Variants in SWT1 observed in about 807,000 individuals in gnomAD.
SWT1 encodes transcriptional protein SWT1.
SWT1 carries 33 observed loss-of-function variants against 107.3 expected under a neutral mutation model. The observed-to-expected ratio is 0.31, with a 90% confidence interval of 0.23 to 0.41. The LOEUF is 0.41. SWT1 is among the 10% of genes least tolerant of loss of function. The probability of loss-of-function intolerance (pLI) is 1.00; values close to 1 mark genes in which losing one functional copy is unlikely to be tolerated. For synonymous variants in SWT1, 345 were observed against 348.3 expected, an observed-to-expected ratio of 0.99 and a Z score of 0.11; for missense variants, 898 against 1,028.9, an observed-to-expected ratio of 0.87 and a Z score of 1.74.
chr1:185,201,005 T>C (rs1423680591), intron 10 of SWT1, among the ~76,000 whole-genome samples: 1 of 152,124 alleles, frequency 6.6e-6, no homozygotes, highest in Non-Finnish European at 1.5e-5. Context: ...GGCGCTGCGG[T>C]GGGCTTTGCC....
intron 16 of SWT1, among the ~76,000 whole-genome samples, chr1:185,243,792 G>A (rs1661411197): frequency 6.6e-6 from 1 of 152,008 alleles, no homozygotes; most frequent in Admixed American, 6.6e-5. Flanking sequence ...TTAAATATAT[G>A]TAGTTAATGT....
intron 8 of SWT1, 105 bp from the exon 9 acceptor site, chr1:185,184,638 A>G: frequency 1.5e-6 from 1 of 677,974 alleles, no homozygotes; most frequent in South Asian, 2.3e-5. Context: ...GAATTTCCTA[A>G]AGGTAGGGAC....
At chr1:185,160,710 AT>A (rs1395984826) in intron 1 of SWT1, 122 bp from the exon 2 acceptor site, 15 of 697,308 alleles carry the variant, frequency 2.2e-5, no homozygotes, top group South Asian at 1.2e-4. Flanking sequence ...TCAAAAAAAA[AT>A]AAAATAAAAT....
intron 16 of SWT1, among the ~76,000 whole-genome samples, chr1:185,237,745 C>T (rs999732562): frequency 6.6e-6 from 1 of 151,994 alleles, no homozygotes; most frequent in East Asian, 1.9e-4. Flanking sequence ...CTACCTTAAT[C>T]CTATTAAATC....
At chr1:185,243,054 A>G (rs74794196) in intron 16 of SWT1, among the ~76,000 whole-genome samples, 1 of 152,330 alleles carries the variant, frequency 6.6e-6, no homozygotes, top group Non-Finnish European at 1.5e-5. Flanking sequence ...AAGCAGTTAT[A>G]TAAAAGGCGT....
intron 16 of SWT1, among the ~76,000 whole-genome samples, chr1:185,252,230 T>C (rs535489697): frequency 0.044 from 6,674 of 151,954 alleles, 338 homozygotes; most frequent in East Asian, 0.17. Flanking sequence ...TGAATAATGC[T>C]GCAATAAACA....
intron 18 of SWT1, among the ~76,000 whole-genome samples, chr1:185,285,519 T>G (rs1489492759): frequency 6.6e-6 from 1 of 152,224 alleles, no homozygotes; most frequent in African/African-American, 2.4e-5. Flanking sequence ...GTAGTATCCT[T>G]TGGTGCACAA....
At chr1:185,170,324 C>T (rs185331535) in intron 4 of SWT1, among the ~76,000 whole-genome samples, 29 of 152,368 alleles carry the variant, frequency 1.9e-4, no homozygotes, top group Non-Finnish European at 3.7e-4. Context: ...TGCAACAATT[C>T]TGTCTTCCTA....
At chr1:185,160,207 G>T (rs572928447) in intron 1 of SWT1, among the ~76,000 whole-genome samples, 1 of 152,300 alleles carries the variant, frequency 6.6e-6, no homozygotes, top group East Asian at 1.9e-4. Context: ...AGTGTGGGTG[G>T]TGAAGAATAT....
intron 12 of SWT1, 61 bp from the exon 13 acceptor site, chr1:185,206,564 A>G: frequency 4.0e-6 from 4 of 1,008,604 alleles, no homozygotes; most frequent in Non-Finnish European, 5.5e-6. Flanking sequence ...CTAAATAGGT[A>G]CTTTTTAATA....
Position 185,290,788 on chromosome 1 carries a change from C to G in SWT1, c.2688C>G (p.Leu896=), listed in dbSNP as rs1229339260. The G allele has an allele frequency of 1.9e-6, 3 of 1,608,222 alleles. No homozygotes were observed. Among genetic ancestry groups the G allele is most frequent in the African/African-American group, 1.3e-5 (1 of 74,656 alleles). Reference sequence around the variant, plus strand: ...ACAGGGGATGGTGTGAAGACATGCTCAACTATAGGATATAAGTACTGATTT... The same window carrying G: ...ACAGGGGATGGTGTGAAGACATGCTGAACTATAGGATATAAGTACTGATTT... The part of the protein sequence containing the change: ...AKNRGWCEDM[L]NYRI Residue 896 remains leucine, a synonymous_variant, in exon 19 of 19, where the codon CTC becomes CTG. Coordinates refer to ENST00000367500, the MANE Select transcript of SWT1 (RefSeq NM_017673.7).
intron 16 of SWT1, among the ~76,000 whole-genome samples, chr1:185,259,921 G>C (rs1433926169): frequency 6.6e-6 from 1 of 152,086 alleles, no homozygotes; most frequent in Admixed American, 6.5e-5. Context: ...ACCTTGATTA[G>C]AACTGGATGG....
intron 3 of SWT1, 128 bp downstream of exon 3, chr1:185,166,780 A>G: frequency 1.6e-6 from 1 of 616,010 alleles, no homozygotes; most frequent in Non-Finnish European, 2.8e-6. Flanking sequence ...TCTTTCTTCT[A>G]CTCACCAAAC....
chr1:185,280,152 A>G (rs1462549778), intron 18 of SWT1, among the ~76,000 whole-genome samples: 1 of 152,032 alleles, frequency 6.6e-6, no homozygotes, highest in Non-Finnish European at 1.5e-5. Context: ...CATGGTAGAG[A>G]GTTCTCATTG....
At chr1:185,230,370 G>A (rs1252905033) in intron 15 of SWT1, among the ~76,000 whole-genome samples, 1 of 152,168 alleles carries the variant, frequency 6.6e-6, no homozygotes, top group African/African-American at 2.4e-5. Flanking sequence ...TTCTTCTGGA[G>A]TTTCTGAGGG....
At chr1:185,254,578 T>TA (rs1345059169) in intron 16 of SWT1, among the ~76,000 whole-genome samples, 1 of 150,062 alleles carries the variant, frequency 6.7e-6, no homozygotes, top group East Asian at 2.0e-4. Context: ...GAGGTGTTTG[T>TA]AGTATTCTCT....
At chr1:185,229,904 G>T (rs995362676) in intron 15 of SWT1, among the ~76,000 whole-genome samples, 1 of 152,124 alleles carries the variant, frequency 6.6e-6, no homozygotes, top group Non-Finnish European at 1.5e-5. Flanking sequence ...AAGCAGAGTG[G>T]TGGTTGCAGG....
intron 3 of SWT1, 138 bp from the exon 4 acceptor site, chr1:185,168,202 G>A: frequency 2.1e-6 from 1 of 483,284 alleles, no homozygotes. Flanking sequence ...GTGAAACGGG[G>A]ATGATGATAA....
intron 16 of SWT1, among the ~76,000 whole-genome samples, chr1:185,255,827 T>C (rs1662458533): frequency 6.6e-6 from 1 of 151,820 alleles, no homozygotes; most frequent in South Asian, 2.1e-4. Flanking sequence ...GTCATTATGA[T>C]GTTAGCTGGT....
Sources: allele counts gnomAD v4.1 joint callset (sites outside exome capture counted in the v4.1 genomes callset), GRCh38; gene constraint gnomAD v4.1.1; transcripts MANE v1.5; gene names NCBI Gene and HGNC (gene_info 2026-07-23, HGNC 2026-07-21).